Variants in IL20RA observed in about 807,000 individuals in gnomAD.
The protein encoded by IL20RA is interleukin 20 receptor subunit alpha, also known as interleukin-20 receptor subunit alpha.
Under a neutral mutation model 36.5 loss-of-function variants are expected in IL20RA, and 29 were observed. The ratio of observed to expected loss-of-function variants is 0.79; its 90% confidence interval spans 0.59 to 1.08. The LOEUF (loss-of-function observed/expected upper bound fraction) is 1.08. IL20RA is among the 50% of genes least tolerant of loss of function. The pLI is 0.00. For missense variants in IL20RA, 652 were observed against 668.4 expected, an observed-to-expected ratio of 0.98 and a Z score of 0.27; for synonymous variants, 279 against 267.1, an observed-to-expected ratio of 1.04 and a Z score of -0.43.
intron 1 of IL20RA, among the ~76,000 whole-genome samples, chr6:137,022,329 A>C (rs1775933007): frequency 6.6e-6 from 1 of 152,176 alleles, no homozygotes; most frequent in Admixed American, 6.5e-5. Context: ...TATGGTGACC[A>C]CGAAGGTAGG....
chr6:137,003,016 T>C (rs1185846390), intron 6 of IL20RA, among the ~76,000 whole-genome samples: 1 of 152,200 alleles, frequency 6.6e-6, no homozygotes, highest in African/African-American at 2.4e-5. Context: ...TTGCTGTGGG[T>C]ACCATGAAAG....
rs1376163968 is a variant in IL20RA, at chr6:137,001,737, A to G, written c.1483T>C (p.Ser495Pro). 1.6e-5 allele frequency: 26 copies of G among 1,613,688 alleles called. No homozygotes were observed. Among genetic ancestry groups the G allele is most frequent in the Non-Finnish European group, 2.1e-5 (25 of 1,179,726 alleles). The change falls in exon 7 of 7, where the codon TCC becomes CCC. Residue 495 changes from serine to proline, a missense_variant. Physicochemically the swap from Ser to Pro is moderately conservative, Grantham distance 74. Transcript: ENST00000316649. ...QTGRLCIPSL[S>P]SFDQDSEGCE... is the part of the protein sequence containing the mutation. ...CCCTCTGAATCCTGGTCGAAGCTGG[A>G]CAGCGAAGGAATACACAGCCTGCCA...
chr6:137,043,657 A>G (rs548076464), intron 1 of IL20RA, among the ~76,000 whole-genome samples: 4 of 152,328 alleles, frequency 2.6e-5, no homozygotes, highest in Non-Finnish European at 4.4e-5. Context: ...TTTAACTACC[A>G]AGGACTCCAG....
intron 1 of IL20RA, among the ~76,000 whole-genome samples, chr6:137,043,458 C>T (rs189691984): frequency 6.6e-6 from 1 of 152,040 alleles, no homozygotes; most frequent in African/African-American, 2.4e-5. Context: ...GTTGAAGGCT[C>T]AATATTTGCA....
intron 1 of IL20RA, among the ~76,000 whole-genome samples, chr6:137,029,941 T>A (rs76394168): frequency 6.7e-6 from 1 of 149,788 alleles, no homozygotes. Context: ...ATAGAAAAGG[T>A]AAAAAAAAAT....
chr6:137,028,654 C>T (rs943181201), intron 1 of IL20RA, among the ~76,000 whole-genome samples: 4 of 152,018 alleles, frequency 2.6e-5, no homozygotes, highest in Admixed American at 2.0e-4. Flanking sequence ...GTTGGTGCTT[C>T]ATAGCAAGTA....
chr6:137,034,562 C>G (rs1016363826), intron 1 of IL20RA, among the ~76,000 whole-genome samples: 1 of 152,120 alleles, frequency 6.6e-6, no homozygotes, highest in South Asian at 2.1e-4. Context: ...TGCTCTCCCT[C>G]CCCCAGCACT....
chr6:137,020,244 T>C (rs571600098), intron 1 of IL20RA, among the ~76,000 whole-genome samples: 26 of 152,276 alleles, frequency 1.7e-4, no homozygotes, highest in African/African-American at 6.0e-4. Context: ...AAGTGGATCC[T>C]CCGACCCCAG....
intron 1 of IL20RA, among the ~76,000 whole-genome samples, chr6:137,038,684 C>G (rs1259308987): frequency 6.6e-6 from 1 of 152,144 alleles, no homozygotes; most frequent in Non-Finnish European, 1.5e-5. Flanking sequence ...TGCGATTTTA[C>G]TCCATAAAAT....
chr6:137,002,045 A>G lies in IL20RA; in HGVS notation c.1175T>C (p.Ile392Thr), dbSNP rs1485712465. 9 of 1,614,030 alleles carry G rather than the reference A, an allele frequency of 5.6e-6. No individual in the cohort carries two copies. The highest frequency in any genetic ancestry group is 7.6e-6 in the Non-Finnish European group (9 of 1,180,030). ...LTQQESLSRT[I>T]PPDKTVIEYE... Reference sequence around the variant, plus strand: ...TTCAATGACTGTTTTATCCGGGGGTATTGTTCTGCTGAGGGACTCTTGCTG... The same window carrying G: ...TTCAATGACTGTTTTATCCGGGGGTGTTGTTCTGCTGAGGGACTCTTGCTG... Residue 392 changes from isoleucine to threonine, a missense_variant, in exon 7 of 7, where the codon ATA becomes ACA. Coordinates refer to ENST00000316649, the MANE Select transcript of IL20RA (RefSeq NM_014432.4).
At chr6:137,042,289 T>C (rs1021173874) in intron 1 of IL20RA, among the ~76,000 whole-genome samples, 2 of 151,494 alleles carry the variant, frequency 1.3e-5, no homozygotes, top group African/African-American at 2.4e-5. Flanking sequence ...CAGGCAGGAG[T>C]TGGCCACACA....
At chr6:137,031,223 T>G (rs1776266348) in intron 1 of IL20RA, among the ~76,000 whole-genome samples, 1 of 152,200 alleles carries the variant, frequency 6.6e-6, no homozygotes, top group African/African-American at 2.4e-5. Flanking sequence ...ATACCCTTCC[T>G]GCATAAGTTA....
intron 4 of IL20RA, 167 bp downstream of exon 4, chr6:137,009,150 A>C: frequency 1.5e-6 from 1 of 660,192 alleles, no homozygotes; most frequent in Non-Finnish European, 2.8e-6. Context: ...ATCTGAAGTT[A>C]GTTCTGTAAA....
chr6:137,034,571 C>T (rs1416529729), intron 1 of IL20RA, among the ~76,000 whole-genome samples: 1 of 152,158 alleles, frequency 6.6e-6, no homozygotes, highest in Non-Finnish European at 1.5e-5. Flanking sequence ...TCCCCCAGCA[C>T]TCCTCACAGG....
intron 4 of IL20RA, 122 bp from the exon 5 acceptor site, chr6:137,008,865 CTTT>C (rs3041890): frequency 5.6e-3 from 790 of 141,490 alleles, no homozygotes; most frequent in Middle Eastern, 0.011. Flanking sequence ...TCAGTATAAG[CTTT>C]TTTTTTTTTT....
chr6:137,039,759 C>A (rs1341894066), intron 1 of IL20RA, among the ~76,000 whole-genome samples: 1 of 152,126 alleles, frequency 6.6e-6, no homozygotes, highest in African/African-American at 2.4e-5. Context: ...CAGAAGGGAG[C>A]CACACTTGTC....
At chr6:137,012,038 C>T (rs913843137) in intron 2 of IL20RA, among the ~76,000 whole-genome samples, 1 of 152,076 alleles carries the variant, frequency 6.6e-6, no homozygotes, top group African/African-American at 2.4e-5. Flanking sequence ...AAAAACACAA[C>T]CCCCATAGCA....
Position 137,044,609 on chromosome 6 carries a change from C to G in IL20RA, c.88+32G>C, listed in dbSNP as rs1776833007. 8 of 1,220,050 alleles carry G rather than the reference C, an allele frequency of 6.6e-6. No homozygotes were observed. In the South Asian group the frequency reaches 3.3e-4, roughly 51 times the overall value. 75.6% of individuals were successfully genotyped at this position (1,220,050 alleles called of 1,614,324 possible). ...GCGGGGCCCCGGCCTGGAGGCATCCCCGACCCGCACCTGGCGGCGCGACCC... is the reference window on the plus strand; with the variant it reads ...GCGGGGCCCCGGCCTGGAGGCATCCGCGACCCGCACCTGGCGGCGCGACCC... On this transcript the variant is annotated intron_variant, in intron 1 of 6. Transcript: ENST00000316649.
At chr6:137,020,113 C>A (rs1775844326) in intron 1 of IL20RA, among the ~76,000 whole-genome samples, 1 of 152,254 alleles carries the variant, frequency 6.6e-6, no homozygotes, top group African/African-American at 2.4e-5. Flanking sequence ...GCATGGGCAA[C>A]ACCAGCTGCT....
Sources: gnomAD v4.1 joint callset for allele counts (sites outside exome capture counted in the v4.1 genomes callset) on GRCh38, gnomAD v4.1.1 for gene constraint, MANE v1.5 for transcripts, NCBI Gene and HGNC (gene_info 2026-07-23, HGNC 2026-07-21) for gene names.